Variants in SORCS2 observed in about 807,000 individuals in gnomAD.
The protein encoded by SORCS2 is sortilin related VPS10 domain containing receptor 2, also known as VPS10 domain-containing receptor SorCS2.
Under a neutral mutation model 141.6 loss-of-function variants are expected in SORCS2, and 100 were observed. The ratio of observed to expected loss-of-function variants is 0.71; its 90% CI spans 0.60 to 0.83. The LOEUF (loss-of-function observed/expected upper bound fraction) is 0.83, where lower values mean the gene tolerates loss of function less well. Ranked by LOEUF, SORCS2 falls within the 40% of genes least tolerant of loss-of-function variation. The pLI, the probability that SORCS2 is intolerant of heterozygous loss-of-function variation, is 0.00. For missense variants in SORCS2, 1,646 were observed against 1,560.2 expected (o/e 1.05, Z -0.93); for synonymous variants, 789 against 676.9 (o/e 1.17, Z -2.57).
At chr4:7,472,482 T>A (rs1035228932) in intron 2 of SORCS2, among the ~76,000 whole-genome samples, 2 of 151,882 alleles carry the variant, frequency 1.3e-5, no homozygotes, top group African/African-American at 4.8e-5. Context: ...GCCTAGTGGG[T>A]TGTGGCAAGC....
rs554127203 is a variant in SORCS2, at chr4:7,648,073, C to T, written c.814-6061C>T. 2.2e-3 allele frequency among the ~76,000 whole-genome samples: 335 copies of T among 151,990 alleles called. No individual in the cohort carries two copies. The highest frequency in any genetic ancestry group is 3.9e-3 in the Non-Finnish European group (267 of 67,950). On this transcript the variant is annotated intron_variant, in intron 4 of 26. Coordinates refer to ENST00000507866, the MANE Select transcript of SORCS2 (RefSeq NM_020777.3). This position sits in a 1 kb window ranked among gnomAD's most constrained non-coding sequence, Gnocchi z 4.2. ...GGTGGCCTGAGATGGAATGGGGTGC[C>T]GGCCCCTGAGGGCTCTGCTTACGGT...
intron 1 of SORCS2, among the ~76,000 whole-genome samples, chr4:7,267,147 C>A (rs1037700072): frequency 6.8e-6 from 1 of 146,750 alleles, no homozygotes; most frequent in African/African-American, 2.6e-5. Flanking sequence ...AGCGGAAACA[C>A]TATGACCACC....
Position 7,723,706 on chromosome 4 carries a change from C to G in SORCS2, c.2434C>G (p.Leu812Val). The G allele has an allele frequency of 6.2e-7, 1 of 1,613,962 alleles. No homozygotes were observed. The highest frequency in any genetic ancestry group is 8.5e-7 in the Non-Finnish European group (1 of 1,179,870). ...TGGTGTTTCTCTGCAGGGTGATGTCCTGACTACCAAGTACCAGGTAGACCT... is the reference window on the plus strand; with the variant it reads ...TGGTGTTTCTCTGCAGGGTGATGTCGTGACTACCAAGTACCAGGTAGACCT... Reference protein sequence around the residue: ...FVVRQEQGDVLTTKYQVDLGD... With the variant: ...FVVRQEQGDVVTTKYQVDLGD... The change falls in exon 19 of 27, where the codon CTG becomes GTG. Residue 812 changes from leucine (L) to valine (V), a missense_variant. Leu to Val is a conservative substitution (Grantham distance 32, BLOSUM62 1). Transcript: ENST00000507866.
At chr4:7,317,379 G>T (rs370467113) in intron 1 of SORCS2, among the ~76,000 whole-genome samples, 31 of 152,354 alleles carry the variant, frequency 2.0e-4, no homozygotes, top group African/African-American at 6.0e-4. Flanking sequence ...GTACCTCTGC[G>T]TCAACGGAGG....
At chr4:7,644,819 G>C (rs1038069548) in intron 4 of SORCS2, among the ~76,000 whole-genome samples, 1 of 152,226 alleles carries the variant, frequency 6.6e-6, no homozygotes, top group Admixed American at 6.5e-5. Context: ...TGCTTTCTGA[G>C]ATGTTGAGTG....
rs139804227 is a variant in SORCS2, at chr4:7,582,465, G to C, written c.648+50836G>C. On this transcript the variant is annotated intron_variant, in intron 3 of 26. Coordinates refer to ENST00000507866, the MANE Select transcript of SORCS2 (RefSeq NM_020777.3). Reference sequence around the variant, plus strand: ...TTGTTAACAATTAAAGGATAAAACAGGGTGCGGCCGGAAAGGCGGCCGCCC... The same window carrying C: ...TTGTTAACAATTAAAGGATAAAACACGGTGCGGCCGGAAAGGCGGCCGCCC... 1.4e-4 allele frequency among the ~76,000 whole-genome samples: 21 copies of C among 152,294 alleles called. No homozygotes were observed. In the East Asian group the frequency reaches 4.1e-3, roughly 29 times the overall value.
At chr4:7,446,971 C>G (rs4234809) in intron 2 of SORCS2, among the ~76,000 whole-genome samples, 81,217 of 152,158 alleles carry the variant, frequency 0.53, 22,762 homozygotes, top group East Asian at 0.79. Flanking sequence ...GCCGGGCTGT[C>G]TCTGAGCCTG....
At chr4:7,272,706 AC>A (rs1309799820) in intron 1 of SORCS2, among the ~76,000 whole-genome samples, 1 of 152,224 alleles carries the variant, frequency 6.6e-6, no homozygotes, top group Non-Finnish European at 1.5e-5. Context: ...CAGGGGATGG[AC>A]AATTTGCGAA....
intron 1 of SORCS2, among the ~76,000 whole-genome samples, chr4:7,321,613 G>C (rs2108945031): frequency 6.6e-6 from 1 of 152,356 alleles, no homozygotes; most frequent in Non-Finnish European, 1.5e-5. Context: ...TACCAAAGGA[G>C]ACAGGCCAGA....
intron 2 of SORCS2, among the ~76,000 whole-genome samples, chr4:7,471,090 G>C (rs1729947891): frequency 6.6e-6 from 1 of 152,176 alleles, no homozygotes; most frequent in Non-Finnish European, 1.5e-5. Flanking sequence ...GAACAGCTAG[G>C]GAAAGGCAAG....
intron 3 of SORCS2, among the ~76,000 whole-genome samples, chr4:7,635,095 CT>C (rs1370788980): frequency 1.3e-5 from 2 of 152,234 alleles, no homozygotes; most frequent in Admixed American, 1.3e-4. Context: ...CACTAAGGTG[CT>C]GATGCTGGCA....
At chr4:7,468,495 G>A (rs1331665829) in intron 2 of SORCS2, among the ~76,000 whole-genome samples, 1 of 152,250 alleles carries the variant, frequency 6.6e-6, no homozygotes, top group Non-Finnish European at 1.5e-5. Flanking sequence ...CGAGGATGGG[G>A]GTTACTTTCC....
At chr4:7,581,782 G>C (rs1333586843) in intron 3 of SORCS2, among the ~76,000 whole-genome samples, 2 of 152,170 alleles carry the variant, frequency 1.3e-5, no homozygotes, top group African/African-American at 4.8e-5. Flanking sequence ...CCCGTCCAGA[G>C]TCTGGATGCT....
intron 1 of SORCS2, among the ~76,000 whole-genome samples, chr4:7,346,982 G>C (rs1720686794): frequency 6.6e-6 from 1 of 152,298 alleles, no homozygotes; most frequent in East Asian, 1.9e-4. Flanking sequence ...TACATACATA[G>C]TAGTAGGTGC....
At chr4:7,388,779 C>A (rs1159422269) in intron 1 of SORCS2, among the ~76,000 whole-genome samples, 1 of 152,202 alleles carries the variant, frequency 6.6e-6, no homozygotes, top group East Asian at 1.9e-4. Context: ...CCGACACATC[C>A]TTTTTCGTCC....
rs772195736 is a variant in SORCS2, at chr4:7,689,851, C to G, written c.1591+263C>G. ...GTGGATGAATGGATGGATGGACAGA[C>G]AAATTGATAGATGATGAATGATGGA... On this transcript the variant is annotated intron_variant, in intron 11 of 26. Coordinates refer to ENST00000507866, the MANE Select transcript of SORCS2 (RefSeq NM_020777.3). 8.8e-4 allele frequency among the ~76,000 whole-genome samples: 129 copies of G among 147,264 alleles called. 4 individuals are homozygous for G. Among genetic ancestry groups the G allele is most frequent in the Non-Finnish European group, 2.9e-4 (19 of 66,108 alleles).
intron 2 of SORCS2, among the ~76,000 whole-genome samples, chr4:7,481,671 G>A (rs184248115): frequency 1.5e-4 from 23 of 152,178 alleles, no homozygotes; most frequent in Admixed American, 1.0e-3. Context: ...CCCTGGAGCC[G>A]TAGGGAAGGG....
chr4:7,296,785 G>A (rs1410350636), intron 1 of SORCS2, among the ~76,000 whole-genome samples: 2 of 152,136 alleles, frequency 1.3e-5, no homozygotes, highest in South Asian at 2.1e-4. Context: ...GACTCTTTCC[G>A]GAGAGGTGAC....
At chr4:7,486,349 C>A (rs1052566639) in intron 2 of SORCS2, among the ~76,000 whole-genome samples, 4 of 36,024 alleles carry the variant, frequency 1.1e-4, no homozygotes, top group Non-Finnish European at 2.6e-4. Flanking sequence ...ATTTGCAGAA[C>A]CAGGTGGACA....
Sources: gnomAD v4.1 joint callset for allele counts (sites outside exome capture counted in the v4.1 genomes callset) on GRCh38, gnomAD v4.1.1 for gene constraint, Gnocchi (gnomAD v3.1) non-coding constraint, MANE v1.5 for transcripts, NCBI Gene and HGNC (gene_info 2026-07-23, HGNC 2026-07-21) for gene names.